The following PPP1R12A variants were observed in gnomAD, a reference collection of about 807,000 sequenced individuals.
PPP1R12A encodes the protein protein phosphatase 1 regulatory subunit 12A.
PPP1R12A carries 19 observed loss-of-function variants against 139.6 expected under a neutral mutation model. The observed-to-expected ratio is 0.14, with a 90% CI of 0.09 to 0.20. The LOEUF (loss-of-function observed/expected upper bound fraction) is 0.20. Among genes scored for constraint, PPP1R12A ranks in the 10% least tolerant of loss-of-function variants. The probability of loss-of-function intolerance (pLI) is 1.00; values close to 1 mark genes in which losing one functional copy is unlikely to be tolerated. For missense variants in PPP1R12A, 925 were observed against 1,211.5 expected (o/e 0.76, Z 3.51); for synonymous variants, 427 against 420.6 (o/e 1.02, Z -0.19).
rs1033045131 is a variant in PPP1R12A at position 79,823,597 on chromosome 12, T to C, written c.793-1407A>G. On this transcript the variant is annotated intron_variant, in intron 5 of 24. Transcript: ENST00000450142. ...CCATTGTCTATGAAAGGTATCTTTT[T>C]TTTTTTTTTTTTTAAAGATAGGATC... Among the ~76,000 whole-genome samples, 89 of 151,876 alleles carry C rather than the reference T, an allele frequency of 5.9e-4. 3 individuals carry two copies. The highest frequency in any genetic ancestry group is 2.0e-3 in the African/African-American group (83 of 41,446).
chr12:79,875,403 T>C (rs763291300), intron 1 of PPP1R12A, among the ~76,000 whole-genome samples: 2 of 152,208 alleles, frequency 1.3e-5, no homozygotes, highest in Non-Finnish European at 2.9e-5. Context: ...GTGAAAGGTT[T>C]TTTCCGTCCT....
intron 1 of PPP1R12A, among the ~76,000 whole-genome samples, chr12:79,876,754 CA>C (rs1431712628): frequency 5.9e-5 from 9 of 152,010 alleles, no homozygotes; most frequent in Non-Finnish European, 1.3e-4. Context: ...ACAGTGTACC[CA>C]AAAAGTTTTA....
intron 1 of PPP1R12A, among the ~76,000 whole-genome samples, chr12:79,886,957 G>A (rs1884161516): frequency 6.6e-6 from 1 of 152,084 alleles, no homozygotes; most frequent in African/African-American, 2.4e-5. Context: ...GACTTAGTAA[G>A]GGCACAGAAT....
At chr12:79,889,318 T>G (rs966356463) in intron 1 of PPP1R12A, among the ~76,000 whole-genome samples, 1 of 152,154 alleles carries the variant, frequency 6.6e-6, no homozygotes. Flanking sequence ...CAGCAAGGAA[T>G]GGCCTACATA....
intron 2 of PPP1R12A, among the ~76,000 whole-genome samples, chr12:79,866,259 G>A (rs1267674212): frequency 1.3e-5 from 2 of 152,152 alleles, no homozygotes; most frequent in East Asian, 3.8e-4. Flanking sequence ...GGGAAAACTG[G>A]CTAGCCATAT....
At chr12:79,843,830 G>C (rs1592702783) in intron 3 of PPP1R12A, among the ~76,000 whole-genome samples, 2 of 151,386 alleles carry the variant, frequency 1.3e-5, no homozygotes, top group South Asian at 2.1e-4. Context: ...TCAGCCTTCT[G>C]AGTAGCTGGG....
intron 3 of PPP1R12A, among the ~76,000 whole-genome samples, chr12:79,844,599 C>T (rs972938910): frequency 2.0e-5 from 3 of 152,154 alleles, no homozygotes; most frequent in African/African-American, 7.2e-5. Context: ...CTACTTCTGT[C>T]CTTGTCTTCC....
rs1242608552 is a variant in PPP1R12A at position 79,841,473 on chromosome 12, T to C, written c.487+3829A>G. 2.0e-5 allele frequency among the ~76,000 whole-genome samples: 3 copies of C among 152,216 alleles called. No homozygotes were observed. The East Asian group carries it at 5.8e-4, about 29-fold the overall frequency. On this transcript the variant is annotated intron_variant, in intron 3 of 24. Coordinates refer to ENST00000450142, the MANE Select transcript of PPP1R12A (RefSeq NM_002480.3). Reference sequence around the variant, plus strand: ...TTAAGAAGGATTGTCTTGCTTTTTTTATTGTTAACACCCAGCACATAGAAC... The same window carrying C: ...TTAAGAAGGATTGTCTTGCTTTTTTCATTGTTAACACCCAGCACATAGAAC...
At chr12:79,776,158 A>G in intron 24 of PPP1R12A, 143 bp from the exon 25 acceptor site, 2 of 487,834 alleles carry the variant, frequency 4.1e-6, no homozygotes, top group Non-Finnish European at 6.9e-6. Flanking sequence ...TAAAACATGT[A>G]TCAGGAAGAA....
chr12:79,828,771 C>T (rs927602421), intron 4 of PPP1R12A, among the ~76,000 whole-genome samples: 1 of 152,050 alleles, frequency 6.6e-6, no homozygotes, highest in African/African-American at 2.4e-5. Flanking sequence ...GAAATTTTCA[C>T]AGAAAAGCCC....
At chr12:79,852,660 C>T (rs377480312) in intron 2 of PPP1R12A, among the ~76,000 whole-genome samples, 33 of 152,264 alleles carry the variant, frequency 2.2e-4, no homozygotes, top group African/African-American at 7.7e-4. Flanking sequence ...AGGTTCCCCA[C>T]TTGTCCTCCA....
chr12:79,902,119 C>A (rs2137477992), intron 1 of PPP1R12A, among the ~76,000 whole-genome samples: 1 of 152,298 alleles, frequency 6.6e-6, no homozygotes, highest in African/African-American at 2.4e-5. Flanking sequence ...TATTCCCTAA[C>A]AGCTTGGTTC....
intron 1 of PPP1R12A, among the ~76,000 whole-genome samples, chr12:79,924,764 C>T (rs1197962038): frequency 6.6e-6 from 1 of 152,014 alleles, no homozygotes; most frequent in Non-Finnish European, 1.5e-5. Context: ...CAAACATATA[C>T]AAAAAAGACT....
At chr12:79,777,915 A>G (rs1869932379) in intron 24 of PPP1R12A, among the ~76,000 whole-genome samples, 1 of 152,214 alleles carries the variant, frequency 6.6e-6, no homozygotes, top group African/African-American at 2.4e-5. Context: ...ATAATGAAAT[A>G]TCTAAATCTT....
rs535553554 is a variant in PPP1R12A at position 79,778,467 on chromosome 12, T to A, written c.3006+83A>T. 87 of 947,670 alleles carry A rather than the reference T, an allele frequency of 9.2e-5. No individual in the cohort carries two copies. The African/African-American group carries it at 1.4e-3, about 15-fold the overall frequency. The allele number at this position is 947,670 out of a possible 1,614,324, so 58.7% of individuals were successfully genotyped here. A position where few individuals can be genotyped will look rare whatever the true frequency, so the allele number is the denominator to read the frequency against. On this transcript the variant is annotated intron_variant, in intron 24 of 24. Transcript: ENST00000450142. ...TTGGGTAATCAGCTTTGAGAACAAT[T>A]AATGTAAACCATATCTATAATAGTA...
chr12:79,890,006 C>T (rs1884444247), intron 1 of PPP1R12A, among the ~76,000 whole-genome samples: 1 of 152,112 alleles, frequency 6.6e-6, no homozygotes, highest in African/African-American at 2.4e-5. Flanking sequence ...TACCATCACA[C>T]CTTGGGGTAA....
intron 1 of PPP1R12A, 38 bp downstream of exon 1, chr12:79,934,657 C>A (rs1315365456): frequency 2.0e-6 from 3 of 1,486,568 alleles, no homozygotes; most frequent in Non-Finnish European, 2.7e-6. Context: ...CGACGAGAAC[C>A]CTCACGGTCA....
chr12:79,818,519 T>C (rs1366122176), intron 8 of PPP1R12A, among the ~76,000 whole-genome samples: 1 of 152,128 alleles, frequency 6.6e-6, no homozygotes, highest in Non-Finnish European at 1.5e-5. Flanking sequence ...CTGAGATTAC[T>C]AGCATGATCC....
chr12:79,870,560 GAA>G (rs1197142054), intron 2 of PPP1R12A, among the ~76,000 whole-genome samples: 1 of 152,100 alleles, frequency 6.6e-6, no homozygotes, highest in African/African-American at 2.4e-5. Context: ...GAATAAAAAG[GAA>G]AACTTATTCT....
Sources: allele counts gnomAD v4.1 joint callset (sites outside exome capture counted in the v4.1 genomes callset), GRCh38; gene constraint gnomAD v4.1.1; transcripts MANE v1.5; gene names NCBI Gene and HGNC (gene_info 2026-07-23, HGNC 2026-07-21).